Variants in PPFIA2 observed in about 807,000 individuals in gnomAD.
PPFIA2 encodes the protein PPFI scaffold protein A2.
PPFIA2 carries 46 observed loss-of-function variants against 175.5 expected under a neutral mutation model. That is an observed-to-expected ratio of 0.26 (90% CI 0.21 to 0.34). The LOEUF is 0.34. PPFIA2 is among the 10% of genes least tolerant of loss of function. The pLI, the probability that PPFIA2 is intolerant of heterozygous loss-of-function variation, is 1.00. For missense variants in PPFIA2, 1,179 were observed against 1,506.1 expected, an observed-to-expected ratio of 0.78 and a Z score of 3.60; for synonymous variants, 568 against 511.4, an observed-to-expected ratio of 1.11 and a Z score of -1.49.
At position 81,495,606 on chromosome 12, in the gene PPFIA2, A is replaced by G. The variant is rs562842373; in HGVS notation, c.304-37740T>C. Among the ~76,000 whole-genome samples, 14 of 152,276 alleles carry G rather than the reference A, an allele frequency of 9.2e-5. No individual in the cohort carries two copies. The South Asian group carries it at 2.7e-3, about 29-fold the overall frequency. Reference sequence around the variant, plus strand: ...GATTGCTTGAGCCCAGGAATTCAAGATCAGCCTGGGCAACATAGTGAAACC... The same window carrying G: ...GATTGCTTGAGCCCAGGAATTCAAGGTCAGCCTGGGCAACATAGTGAAACC... On this transcript the variant is annotated intron_variant, in intron 4 of 32. Transcript: ENST00000549396.
At chr12:81,672,333 T>C (rs1319982684) in intron 4 of PPFIA2, among the ~76,000 whole-genome samples, 1 of 151,944 alleles carries the variant, frequency 6.6e-6, no homozygotes, top group Non-Finnish European at 1.5e-5. Flanking sequence ...CTAAGACCAT[T>C]TACAATTTAA....
At chr12:81,312,953 CAA>C (rs1410147370) in intron 22 of PPFIA2, among the ~76,000 whole-genome samples, 1 of 151,996 alleles carries the variant, frequency 6.6e-6, no homozygotes, top group Non-Finnish European at 1.5e-5. Context: ...AAATAAACAT[CAA>C]GTTTGTGTCT....
intron 4 of PPFIA2, among the ~76,000 whole-genome samples, chr12:81,589,818 A>T (rs934313992): frequency 6.6e-6 from 1 of 152,022 alleles, no homozygotes; most frequent in Admixed American, 6.6e-5. Context: ...CATTTTTTTT[A>T]AAAGCTACTG....
At chr12:81,389,529 G>T (rs886952920) in intron 8 of PPFIA2, among the ~76,000 whole-genome samples, 6 of 151,890 alleles carry the variant, frequency 4.0e-5, no homozygotes, top group African/African-American at 1.4e-4. Flanking sequence ...ATTCCATAGT[G>T]TTTATGAAAC....
intron 3 of PPFIA2, among the ~76,000 whole-genome samples, chr12:81,680,971 A>G (rs1252421132): frequency 6.6e-6 from 1 of 151,964 alleles, no homozygotes; most frequent in African/African-American, 2.4e-5. Context: ...TAAGCACCTC[A>G]CTTGTCTCAT....
In PPFIA2 at chr12:81,425,723, C is replaced by T. The variant is rs75547828; in HGVS notation, c.645+14249G>A. On this transcript the variant is annotated intron_variant, in intron 7 of 32. Transcript: ENST00000549396. ...GTAATTTTCTTTTAAAAGACTCTCT[C>T]TCTCTCTGCACTGGCTTTACAAAAC... 9.0e-3 allele frequency among the ~76,000 whole-genome samples: 1,371 copies of T among 152,202 alleles called. 23 individuals carry two copies. The highest frequency in any genetic ancestry group is 0.031 in the African/African-American group (1,280 of 41,534).
chr12:81,540,648 G>A (rs1467764546), intron 4 of PPFIA2, among the ~76,000 whole-genome samples: 3 of 151,956 alleles, frequency 2.0e-5, no homozygotes, highest in African/African-American at 7.2e-5. Context: ...CATATATATA[G>A]TCTTGATATA....
chr12:81,467,515 C>A (rs1459802304), intron 4 of PPFIA2, among the ~76,000 whole-genome samples: 1 of 152,136 alleles, frequency 6.6e-6, no homozygotes, highest in African/African-American at 2.4e-5. Flanking sequence ...ACAGTGAAAC[C>A]CTGTCTCCAA....
intron 3 of PPFIA2, among the ~76,000 whole-genome samples, chr12:81,730,448 A>C (rs1046472449): frequency 6.6e-6 from 1 of 151,584 alleles, no homozygotes; most frequent in Non-Finnish European, 1.5e-5. Flanking sequence ...GGCAGGACAG[A>C]GTGAGGGCAA....
intron 3 of PPFIA2, among the ~76,000 whole-genome samples, chr12:81,712,517 C>T (rs538445343): frequency 6.6e-6 from 1 of 151,202 alleles, no homozygotes; most frequent in South Asian, 2.1e-4. Flanking sequence ...TAAATATAAA[C>T]TTAGAGTAAG....
intron 4 of PPFIA2, among the ~76,000 whole-genome samples, chr12:81,542,296 A>T (rs2066344935): frequency 6.6e-6 from 1 of 152,080 alleles, no homozygotes; most frequent in African/African-American, 2.4e-5. Context: ...AGAGGCAAGG[A>T]CTATATTCTC....
intron 3 of PPFIA2, among the ~76,000 whole-genome samples, chr12:81,685,423 C>CA (rs778925919): frequency 4.0e-4 from 60 of 151,738 alleles, no homozygotes; most frequent in Admixed American, 6.6e-4. Context: ...TTCTTTAAAA[C>CA]AAAAAAAGGG....
chr12:81,522,274 G>A (rs1234752976), intron 4 of PPFIA2, among the ~76,000 whole-genome samples: 1 of 152,124 alleles, frequency 6.6e-6, no homozygotes, highest in Non-Finnish European at 1.5e-5. Context: ...TCTCCTATGT[G>A]TACAAACACC....
chr12:81,596,167 A>C (rs988378613), intron 4 of PPFIA2, among the ~76,000 whole-genome samples: 1 of 152,042 alleles, frequency 6.6e-6, no homozygotes, highest in Non-Finnish European at 1.5e-5. Context: ...TAATCAATAT[A>C]TAATTCTAAT....
chr12:81,431,973 A>C (rs2048176152), intron 7 of PPFIA2, among the ~76,000 whole-genome samples: 1 of 152,246 alleles, frequency 6.6e-6, no homozygotes, highest in African/African-American at 2.4e-5. Context: ...TTGTAGCACC[A>C]TCTGTTTTTC....
chr12:81,519,591 T>G (rs968301617), intron 4 of PPFIA2, among the ~76,000 whole-genome samples: 1 of 152,234 alleles, frequency 6.6e-6, no homozygotes, highest in Non-Finnish European at 1.5e-5. Flanking sequence ...CTTCCGCTAC[T>G]ATAATGAACC....
chr12:81,496,191 A>G (rs2060004583), intron 4 of PPFIA2, among the ~76,000 whole-genome samples: 1 of 152,138 alleles, frequency 6.6e-6, no homozygotes, highest in African/African-American at 2.4e-5. Flanking sequence ...TAAGCATTTT[A>G]AAATGGATAT....
At chr12:81,511,093 C>T (rs1041801223) in intron 4 of PPFIA2, among the ~76,000 whole-genome samples, 5 of 151,836 alleles carry the variant, frequency 3.3e-5, no homozygotes, top group African/African-American at 1.2e-4. Context: ...AGATACATAA[C>T]AAAAAAATCT....
At chr12:81,421,101 C>A (rs1162783447) in intron 7 of PPFIA2, among the ~76,000 whole-genome samples, 1 of 152,050 alleles carries the variant, frequency 6.6e-6, no homozygotes, top group Admixed American at 6.6e-5. Context: ...GGGATAAAGT[C>A]TTTCCAATAC....
Sources: allele counts gnomAD v4.1 joint callset (sites outside exome capture counted in the v4.1 genomes callset), GRCh38; gene constraint gnomAD v4.1.1; transcripts MANE v1.5; gene names NCBI Gene and HGNC (gene_info 2026-07-23, HGNC 2026-07-21).